Variants in CSMD1 observed in about 807,000 individuals in gnomAD.
CSMD1 encodes CUB and sushi domain-containing protein 1.
In CSMD1, 213 loss-of-function variants were observed where a neutral mutation model predicts 417.5. That is an observed-to-expected ratio of 0.51 (90% confidence interval 0.46 to 0.57). The LOEUF (loss-of-function observed/expected upper bound fraction) is 0.57, where lower values mean the gene tolerates loss of function less well. Among genes scored for constraint, CSMD1 ranks in the 20% least tolerant of loss-of-function variants. The probability of loss-of-function intolerance (pLI) is 0.00; values close to 1 mark genes in which losing one functional copy is unlikely to be tolerated. For missense variants in CSMD1, 6,923 were observed against 4,529.7 expected (o/e 1.53, Z -15.17); for synonymous variants, 2,862 against 1,736.8 (o/e 1.65, Z -16.11).
intron 2 of CSMD1, among the ~76,000 whole-genome samples, chr8:4,505,101 C>G (rs529444984): frequency 6.6e-6 from 1 of 152,078 alleles, no homozygotes; most frequent in East Asian, 1.9e-4. Context: ...CCTACCAACA[C>G]CAATATAAGC....
chr8:4,940,907 C>T (rs533064918), intron 1 of CSMD1, among the ~76,000 whole-genome samples: 4 of 152,252 alleles, frequency 2.6e-5, no homozygotes, highest in African/African-American at 7.2e-5. Flanking sequence ...TCTTTATTCT[C>T]CAAGAGGAGA....
rs1473203370 is a variant in CSMD1, at chr8:4,830,376, A to G, written c.85+163956T>C. On this transcript the variant is annotated intron_variant, in intron 1 of 69. Transcript: ENST00000635120. ...TTAGAGATAATTGATGGCTGTGAAA[A>G]AATAACACTTATCTGTAAAATAATT... 3.3e-5 allele frequency among the ~76,000 whole-genome samples: 5 copies of G among 152,234 alleles called. No homozygotes were observed. The South Asian group carries it at 8.3e-4, about 25-fold the overall frequency.
At chr8:3,668,042 C>T (rs913998394) in intron 7 of CSMD1, among the ~76,000 whole-genome samples, 2 of 152,160 alleles carry the variant, frequency 1.3e-5, no homozygotes, top group Non-Finnish European at 2.9e-5. Context: ...CAGTCCCCAT[C>T]CCAAGGATGA....
At chr8:4,391,937 A>G (rs1400626977) in intron 3 of CSMD1, among the ~76,000 whole-genome samples, 2 of 152,210 alleles carry the variant, frequency 1.3e-5, no homozygotes, top group African/African-American at 4.8e-5. Context: ...CATGAAGAAT[A>G]CTGAGATAGT....
chr8:4,545,052 G>A (rs180768063), intron 2 of CSMD1, among the ~76,000 whole-genome samples: 8 of 152,266 alleles, frequency 5.3e-5, no homozygotes, highest in Non-Finnish European at 8.8e-5. Flanking sequence ...AACAATATAC[G>A]TGTGTGTGCA....
At chr8:3,521,313 A>C (rs1453559503) in intron 10 of CSMD1, among the ~76,000 whole-genome samples, 2 of 152,006 alleles carry the variant, frequency 1.3e-5, no homozygotes, top group African/African-American at 4.8e-5. Flanking sequence ...CTCTCTCTCA[A>C]ATTCACATGT....
At chr8:4,352,455 T>A (rs1419261878) in intron 3 of CSMD1, among the ~76,000 whole-genome samples, 6 of 152,154 alleles carry the variant, frequency 3.9e-5, no homozygotes, top group Non-Finnish European at 7.4e-5. Context: ...CTTTAAAGAA[T>A]AGAAAGTGGA....
intron 3 of CSMD1, among the ~76,000 whole-genome samples, chr8:4,118,836 C>T (rs990602169): frequency 5.3e-5 from 8 of 152,276 alleles, no homozygotes; most frequent in Middle Eastern, 3.4e-3. Context: ...AGACTTGGAA[C>T]CAACCCAAAT....
chr8:4,019,641 G>C (rs1219357717), intron 4 of CSMD1, among the ~76,000 whole-genome samples: 1 of 152,170 alleles, frequency 6.6e-6, no homozygotes, highest in African/African-American at 2.4e-5. Context: ...CATGAGGTTA[G>C]AAAGGGAGCT....
chr8:4,204,247 C>T (rs1799842222), intron 3 of CSMD1, among the ~76,000 whole-genome samples: 1 of 151,538 alleles, frequency 6.6e-6, no homozygotes, highest in Non-Finnish European at 1.5e-5. Flanking sequence ...TTCTAATACC[C>T]ATTTATGCAA....
intron 62 of CSMD1, among the ~76,000 whole-genome samples, chr8:2,958,012 A>C (rs1210609088): frequency 6.6e-6 from 1 of 152,228 alleles, no homozygotes; most frequent in African/African-American, 2.4e-5. Flanking sequence ...ATAATGTAAG[A>C]TCTTCTCGAA....
chr8:3,376,817 A>G (rs1810336922), intron 18 of CSMD1, among the ~76,000 whole-genome samples: 1 of 152,070 alleles, frequency 6.6e-6, no homozygotes, highest in Admixed American at 6.6e-5. Flanking sequence ...TCTGAAAGCT[A>G]TGAATGTTTA....
intron 5 of CSMD1, among the ~76,000 whole-genome samples, chr8:3,929,915 G>C (rs1027969844): frequency 2.7e-5 from 4 of 150,228 alleles, no homozygotes; most frequent in Non-Finnish European, 4.4e-5. Context: ...ACCTGCCTCA[G>C]CCTCCCAAAG....
At chr8:4,950,144 C>G (rs1050836911) in intron 1 of CSMD1, among the ~76,000 whole-genome samples, 1 of 152,018 alleles carries the variant, frequency 6.6e-6, no homozygotes, top group East Asian at 1.9e-4. Context: ...TGTCTATGTT[C>G]CCATGTAGCA....
At chr8:4,614,593 G>C (rs1801367565) in intron 2 of CSMD1, among the ~76,000 whole-genome samples, 1 of 152,066 alleles carries the variant, frequency 6.6e-6, no homozygotes, top group African/African-American at 2.4e-5. Context: ...GGAACAACCA[G>C]AGGAAAGTCC....
chr8:4,705,687 CTTTTCTGAG>C (rs1807892706), intron 1 of CSMD1, among the ~76,000 whole-genome samples: 1 of 152,160 alleles, frequency 6.6e-6, no homozygotes, highest in African/African-American at 2.4e-5. Context: ...GAATATCACT[CTTTTCTGAG>C]TGTCTCTTTA....
At chr8:3,502,886 A>G (rs950770216) in intron 10 of CSMD1, among the ~76,000 whole-genome samples, 1 of 152,168 alleles carries the variant, frequency 6.6e-6, no homozygotes, top group Non-Finnish European at 1.5e-5. Context: ...ATCAATGTTC[A>G]TCATGCATGA....
chr8:4,964,036 T>C (rs921322601), intron 1 of CSMD1, among the ~76,000 whole-genome samples: 1 of 152,182 alleles, frequency 6.6e-6, no homozygotes, highest in African/African-American at 2.4e-5. Context: ...TTTCTTATTA[T>C]CTTGATAGCT....
At chr8:3,802,070 T>A (rs1239482100) in intron 5 of CSMD1, among the ~76,000 whole-genome samples, 1 of 152,160 alleles carries the variant, frequency 6.6e-6, no homozygotes, top group African/African-American at 2.4e-5. Context: ...TTTATGTGGA[T>A]AAACTTAAGG....
Sources: allele counts gnomAD v4.1 joint callset (sites outside exome capture counted in the v4.1 genomes callset), GRCh38; gene constraint gnomAD v4.1.1; transcripts MANE v1.5; gene names NCBI Gene and HGNC (gene_info 2026-07-23, HGNC 2026-07-21).